The following FER variants were observed in gnomAD, a reference collection of about 807,000 sequenced individuals.
FER encodes FER tyrosine kinase, also known as tyrosine-protein kinase Fer.
In FER, 63 loss-of-function variants were observed where a neutral mutation model predicts 111.0. That is an observed-to-expected ratio of 0.57 (90% confidence interval 0.46 to 0.70). The LOEUF (loss-of-function observed/expected upper bound fraction) is 0.70, where lower values mean the gene tolerates loss of function less well. FER is among the 30% of genes least tolerant of loss of function. FER has a pLI of 0.00. For synonymous variants in FER, 327 were observed against 313.9 expected (o/e 1.04, Z -0.44); for missense variants, 914 against 954.0 (o/e 0.96, Z 0.55).
chr5:109,129,467 T>A (rs945162136), intron 17 of FER, among the ~76,000 whole-genome samples: 1 of 152,040 alleles, frequency 6.6e-6, no homozygotes, highest in Non-Finnish European at 1.5e-5. Context: ...CTCCTCGAAT[T>A]TCCAAGACTC....
Position 109,187,947 on chromosome 5 carries a change from C to T in FER, c.*372C>T, listed in dbSNP as rs1174207653. 6 of 217,766 alleles carry T rather than the reference C, an allele frequency of 2.8e-5. No homozygotes were observed. The highest frequency in any genetic ancestry group is 2.3e-4 in the South Asian group (3 of 12,908). The allele number at this position is 217,766 out of a possible 1,614,324, so 13.5% of individuals were successfully genotyped here. On this transcript the variant is annotated 3_prime_UTR_variant, in exon 20 of 20. Coordinates refer to ENST00000281092, the MANE Select transcript of FER (RefSeq NM_005246.4). ...CCATCCTATGCCACAGACCCTACTC[C>T]GTTGGTGCTATAAACAGCATTGGTA...
chr5:109,062,376 A>G (rs1252042016), intron 16 of FER, among the ~76,000 whole-genome samples: 1 of 151,986 alleles, frequency 6.6e-6, no homozygotes, highest in Non-Finnish European at 1.5e-5. Flanking sequence ...AATGCAAAAA[A>G]TTAGCTGGGC....
rs1190062184 is a variant in FER at position 109,190,850 on chromosome 5, C to G, written c.*3275C>G. On this transcript the variant is annotated 3_prime_UTR_variant, in exon 20 of 20. Transcript: ENST00000281092. ...ATCTTATTAGCAGATAAGTATAGAC[C>G]AGGAGCCTAACTGTGTTAGATATTT... The G allele has an allele frequency of 6.6e-6, 1 of 152,000 alleles. No individual in the cohort carries two copies. Among genetic ancestry groups the G allele is most frequent in the African/African-American group, 2.4e-5 (1 of 41,386 alleles). The allele number at this position is 152,000 out of a possible 1,614,324, so 9.4% of individuals were successfully genotyped here. A position where few individuals can be genotyped will look rare whatever the true frequency, so the allele number is the denominator to read the frequency against.
chr5:109,062,022 T>TTTGCTTGCTTGCTTGC (rs112245118), intron 16 of FER, among the ~76,000 whole-genome samples: 14,078 of 150,560 alleles, frequency 0.094, 729 homozygotes, highest in Middle Eastern at 0.18. Flanking sequence ...TTATGAATAC[T>TTTGCTTGCTTGCTTGC]TTGCTTGCTT....
chr5:108,943,419 T>A (rs1395265377), intron 10 of FER, among the ~76,000 whole-genome samples: 2 of 152,194 alleles, frequency 1.3e-5, no homozygotes, highest in Non-Finnish European at 2.9e-5. Context: ...CCTTAGTGCC[T>A]CCTTTCAGAA....
intron 16 of FER, among the ~76,000 whole-genome samples, chr5:109,093,643 ATTG>A (rs1356229503): frequency 2.0e-5 from 3 of 152,134 alleles, no homozygotes; most frequent in Non-Finnish European, 4.4e-5. Context: ...TTCAGAAAAT[ATTG>A]TTGACATTTG....
At chr5:109,057,657 G>A (rs1180841760) in intron 16 of FER, among the ~76,000 whole-genome samples, 2 of 151,974 alleles carry the variant, frequency 1.3e-5, no homozygotes, top group African/African-American at 2.4e-5. Flanking sequence ...TTAAAGATAC[G>A]AACTACCTAA....
At chr5:108,811,949 G>A (rs1282932771) in intron 3 of FER, among the ~76,000 whole-genome samples, 1 of 152,114 alleles carries the variant, frequency 6.6e-6, no homozygotes, top group Admixed American at 6.5e-5. Context: ...TTACTCAGTT[G>A]TCTCATTCAA....
At chr5:108,950,430 A>G (rs1438633923) in intron 11 of FER, among the ~76,000 whole-genome samples, 1 of 151,058 alleles carries the variant, frequency 6.6e-6, no homozygotes, top group African/African-American at 2.4e-5. Context: ...TAGGTGAAGT[A>G]TTTTTTTTTG....
At chr5:109,180,198 A>G (rs548314944) in intron 17 of FER, among the ~76,000 whole-genome samples, 2 of 152,256 alleles carry the variant, frequency 1.3e-5, no homozygotes, top group South Asian at 2.1e-4. Flanking sequence ...CAGCAGAAAA[A>G]GAGTTGCCAA....
chr5:109,116,084 T>C (rs1750193502), intron 17 of FER, among the ~76,000 whole-genome samples: 1 of 152,070 alleles, frequency 6.6e-6, no homozygotes, highest in South Asian at 2.1e-4. Context: ...TTTCAACAGA[T>C]TGGATACATG....
intron 17 of FER, among the ~76,000 whole-genome samples, chr5:109,118,753 G>A (rs1365981952): frequency 6.6e-6 from 1 of 152,044 alleles, no homozygotes; most frequent in Non-Finnish European, 1.5e-5. Context: ...ATGTGTCCAG[G>A]AATTGTCCAT....
intron 17 of FER, among the ~76,000 whole-genome samples, chr5:109,154,579 A>T (rs1325703732): frequency 1.3e-5 from 2 of 151,906 alleles, no homozygotes; most frequent in Non-Finnish European, 2.9e-5. Flanking sequence ...ATTAACATTT[A>T]GATAAAGATG....
intron 17 of FER, among the ~76,000 whole-genome samples, chr5:109,105,481 A>G (rs1748796228): frequency 1.3e-5 from 2 of 152,162 alleles, no homozygotes; most frequent in Non-Finnish European, 2.9e-5. Context: ...TGGTAAAATA[A>G]AGACAAAATA....
intron 8 of FER, among the ~76,000 whole-genome samples, chr5:108,877,073 AGAGG>A (rs1765162566): frequency 6.6e-6 from 1 of 152,210 alleles, no homozygotes; most frequent in Non-Finnish European, 1.5e-5. Context: ...CTCCTGTTAC[AGAGG>A]ATGATACCAA....
chr5:108,766,600 A>C (rs911372818), intron 1 of FER, among the ~76,000 whole-genome samples: 1 of 152,234 alleles, frequency 6.6e-6, no homozygotes, highest in African/African-American at 2.4e-5. Context: ...CCCTTTGGAA[A>C]TGGTTAAAAG....
chr5:109,097,477 A>G (rs764791949), intron 16 of FER, among the ~76,000 whole-genome samples: 1 of 151,914 alleles, frequency 6.6e-6, no homozygotes, highest in Admixed American at 6.6e-5. Flanking sequence ...TGTATGCTAT[A>G]TGTATCCATA....
rs78443052 is a variant in FER, at chr5:108,945,884, A to T, written c.1237-246A>T. Among the ~76,000 whole-genome samples, 903 of 152,162 alleles carry T rather than the reference A, an allele frequency of 5.9e-3. 5 individuals are homozygous for T. Among genetic ancestry groups the T allele is most frequent in the African/African-American group, 0.021 (866 of 41,554 alleles). On this transcript the variant is annotated intron_variant, in intron 10 of 19. Transcript: ENST00000281092. Reference sequence around the variant, plus strand: ...CTGTATGAATTCTATATGAATTGCTATATGAATTTCTATTTCTTTCTTATT... The same window carrying T: ...CTGTATGAATTCTATATGAATTGCTTTATGAATTTCTATTTCTTTCTTATT...
At chr5:109,097,819 C>T (rs764735431) in intron 16 of FER, among the ~76,000 whole-genome samples, 2 of 151,646 alleles carry the variant, frequency 1.3e-5, no homozygotes, top group African/African-American at 4.8e-5. Flanking sequence ...CTTGTACTTG[C>T]GGAAGGCTTG....
Sources: gnomAD v4.1 joint callset for allele counts (sites outside exome capture counted in the v4.1 genomes callset) on GRCh38, gnomAD v4.1.1 for gene constraint, MANE v1.5 for transcripts, NCBI Gene and HGNC (gene_info 2026-07-23, HGNC 2026-07-21) for gene names.